NRAS: variants seen among roughly 807,000 people sequenced by gnomAD.
The protein encoded by NRAS is NRAS proto-oncogene, GTPase.
A neutral mutation model predicts 21.3 loss-of-function variants in NRAS; 6 were observed. The observed-to-expected ratio is 0.28, with a 90% CI of 0.15 to 0.56. The LOEUF (loss-of-function observed/expected upper bound fraction) is 0.56. Among genes scored for constraint, NRAS ranks in the 20% least tolerant of loss-of-function variants. The pLI is 0.93. For missense variants in NRAS, 143 were observed against 231.3 expected (o/e 0.62, Z 2.48); for synonymous variants, 84 against 82.0 (o/e 1.02, Z -0.13).
rs1377895009 is a variant in NRAS at position 114,707,575 on chromosome 1, G to T, written c.*519C>A. 1.3e-5 allele frequency: 2 copies of T among 152,402 alleles called. No homozygotes were observed. Among genetic ancestry groups the T allele is most frequent in the Admixed American group, 1.3e-4 (2 of 15,256 alleles). The allele number at this position is 152,402 out of a possible 1,614,324, so 9.4% of individuals were successfully genotyped here. The stretch of plus-strand genomic sequence containing the variant: ...AGATGCCAGTTTAGAGAATAGAGCC[G>T]ATAACATTATAAACAAACCAAACAG... On this transcript the variant is annotated 3_prime_UTR_variant, in exon 7 of 7. Transcript: ENST00000369535.
chr1:114,715,109 C>A (rs1257379303), intron 2 of NRAS, among the ~76,000 whole-genome samples: 1 of 151,736 alleles, frequency 6.6e-6, no homozygotes, highest in African/African-American at 2.4e-5. Flanking sequence ...GCTCACTGCA[C>A]CCTCTGCCTC....
intron 3 of NRAS, among the ~76,000 whole-genome samples, chr1:114,710,709 G>A (rs951294450): frequency 1.3e-5 from 2 of 152,140 alleles, no homozygotes; most frequent in Non-Finnish European, 2.9e-5. Flanking sequence ...AGAAGACATT[G>A]TATACTAAGG....
At chr1:114,708,500 T>G in intron 5 of NRAS, 31 bp downstream of exon 5, 3 of 1,609,582 alleles carry the variant, frequency 1.9e-6, no homozygotes, top group Non-Finnish European at 2.6e-6. Context: ...ATACTAAGAT[T>G]TGTAATTATG....
At chr1:114,708,420 G>C in intron 5 of NRAS, 111 bp downstream of exon 5, 1 of 972,520 alleles carries the variant, frequency 1.0e-6, no homozygotes, top group Non-Finnish European at 1.7e-6. Flanking sequence ...ATGTGCAGAA[G>C]AGGATAGGCA....
chr1:114,715,127 A>T (rs1659126929), intron 2 of NRAS, among the ~76,000 whole-genome samples: 2 of 152,176 alleles, frequency 1.3e-5, no homozygotes, highest in African/African-American at 4.8e-5. Flanking sequence ...CTCTGGTTCA[A>T]GCGATTCTCC....
chr1:114,711,101 C>T (rs1370147721), intron 3 of NRAS, among the ~76,000 whole-genome samples: 2 of 151,750 alleles, frequency 1.3e-5, no homozygotes, highest in East Asian at 1.9e-4. Context: ...CCTAGGAGTC[C>T]GAGACCAGCC....
rs1057520403 is a variant in NRAS at position 114,716,176 on chromosome 1, A to G, written c.-16T>C. ...ACTCAGTCATTTCACACCAGCAAGA[A>G]CCTGTTGGAAACCAGTAATCAGGGT... On this transcript the variant is annotated splice_region_variant and 5_prime_UTR_variant, in exon 2 of 7. Transcript: ENST00000369535. The G allele has an allele frequency of 1.3e-6, 2 of 1,555,510 alleles. No homozygotes were observed. The highest frequency in any genetic ancestry group is 2.7e-5 in the African/African-American group (2 of 73,758).
intron 3 of NRAS, among the ~76,000 whole-genome samples, chr1:114,711,940 CTTAAT>C (rs1659055043): frequency 6.6e-6 from 1 of 152,302 alleles, no homozygotes; most frequent in East Asian, 1.9e-4. Flanking sequence ...TTTATTTAAT[CTTAAT>C]TAACTGTAAA....
chr1:114,711,448 A>C (rs1384300531), intron 3 of NRAS, among the ~76,000 whole-genome samples: 5 of 152,064 alleles, frequency 3.3e-5, no homozygotes, highest in African/African-American at 4.8e-5. Flanking sequence ...AAATACAAAA[A>C]AAATTAGTCA....
rs9724641 is a variant in NRAS, at chr1:114,708,698, C to T, written c.451-44G>A. On this transcript the variant is annotated intron_variant, in intron 4 of 6. Transcript: ENST00000369535. ...AAAAAAAATGAGAGAGCTAGCTCAA[C>T]GGACACAATCCAAATTATAAGCTCT... is the stretch of plus-strand genomic sequence containing the variant. 9.2e-3 allele frequency: 14,683 copies of T among 1,598,760 alleles called. 1,135 individuals carry two copies. In the African/African-American group the frequency reaches 0.17, roughly 19 times the overall value.
chr1:114,714,002 G>A (rs371806603), intron 2 of NRAS, 24 bp from the exon 3 acceptor site: 7 of 770,966 alleles, frequency 9.1e-6, no homozygotes, highest in South Asian at 1.4e-5. Flanking sequence ...GGGTAAGGGG[G>A]CAGGGAGGGA....
At position 114,716,192 on chromosome 1, in the gene NRAS, T is replaced by C. The variant is rs779391538; in HGVS notation, c.-17-15A>G. On this transcript the variant is annotated splice_polypyrimidine_tract_variant and intron_variant, in intron 1 of 6. Transcript: ENST00000369535. Reference sequence around the variant, plus strand: ...CCAGCAAGAACCTGTTGGAAACCAGTAATCAGGGTTAATTGGCGAGCCACA... The same window carrying C: ...CCAGCAAGAACCTGTTGGAAACCAGCAATCAGGGTTAATTGGCGAGCCACA... 7.1e-6 allele frequency: 10 copies of C among 1,410,598 alleles called. No homozygotes were observed. The highest frequency in any genetic ancestry group is 1.7e-5 in the Admixed American group (1 of 59,792). The allele number at this position is 1,410,598 out of a possible 1,614,324, so 87.4% of individuals were successfully genotyped here. A position where few individuals can be genotyped will look rare whatever the true frequency, so the allele number is the denominator to read the frequency against.
At chr1:114,710,243 TA>T (rs1440584409) in intron 3 of NRAS, among the ~76,000 whole-genome samples, 6 of 13,556 alleles carry the variant, frequency 4.4e-4, no homozygotes, top group African/African-American at 1.2e-3. Context: ...AAATATATAT[TA>T]TATATATTAT....
rs914499104 is a variant in NRAS, at chr1:114,705,502, A to G, written c.*2592T>C. On this transcript the variant is annotated 3_prime_UTR_variant, in exon 7 of 7. Transcript: ENST00000369535. ...TGGGGAAAGAGAAGGATTTTGAGGTAAACTAGAATTCTTTTCAGCAATCAC... is the reference window on the plus strand; with the variant it reads ...TGGGGAAAGAGAAGGATTTTGAGGTGAACTAGAATTCTTTTCAGCAATCAC... 6.6e-6 allele frequency: 1 copy of G among 152,234 alleles called. No homozygotes were observed. The highest frequency in any genetic ancestry group is 2.4e-5 in the African/African-American group (1 of 41,456). The allele number at this position is 152,234 out of a possible 1,614,324, so 9.4% of individuals were successfully genotyped here.
At chr1:114,709,814 G>C (rs1659000058) in intron 3 of NRAS, 86 bp from the exon 4 acceptor site, 1 of 1,109,128 alleles carries the variant, frequency 9.0e-7, no homozygotes, top group African/African-American at 1.5e-5. Flanking sequence ...TCAGCACTTT[G>C]GGAGGCTGAG....
At chr1:114,712,950 G>A (rs1659077795) in intron 3 of NRAS, among the ~76,000 whole-genome samples, 1 of 152,140 alleles carries the variant, frequency 6.6e-6, no homozygotes, top group South Asian at 2.1e-4. Flanking sequence ...AAGGAGCTTT[G>A]GGTTTTTGGT....
In NRAS at chr1:114,707,280, A is replaced by G. The variant is rs1006359261; in HGVS notation, c.*814T>C. 2.0e-5 allele frequency: 3 copies of G among 152,512 alleles called. No individual in the cohort carries two copies. The highest frequency in any genetic ancestry group is 2.1e-4 in the South Asian group (1 of 4,830). 9.4% of individuals were successfully genotyped at this position (152,512 alleles called of 1,614,324 possible). Reference sequence around the variant, plus strand: ...CCCAAAACAGGCCTCTGGAAAACCAATTTCATACATGTACAAAATGGCATC... The same window carrying G: ...CCCAAAACAGGCCTCTGGAAAACCAGTTTCATACATGTACAAAATGGCATC... On this transcript the variant is annotated 3_prime_UTR_variant, in exon 7 of 7. Coordinates refer to ENST00000369535, the MANE Select transcript of NRAS (RefSeq NM_002524.5).
intron 2 of NRAS, among the ~76,000 whole-genome samples, chr1:114,714,765 T>C (rs570475185): frequency 5.9e-5 from 9 of 152,328 alleles, no homozygotes; most frequent in South Asian, 2.1e-4. Context: ...ATTTTACTTA[T>C]GTAAATTGCT....
intron 1 of NRAS, 26 bp from the exon 2 acceptor site, chr1:114,716,203 A>T (rs1427586315): frequency 1.5e-6 from 2 of 1,312,220 alleles, no homozygotes; most frequent in South Asian, 2.4e-5. Flanking sequence ...AATCAGGGTT[A>T]ATTGGCGAGC....
Sources: allele counts gnomAD v4.1 joint callset (sites outside exome capture counted in the v4.1 genomes callset), GRCh38; gene constraint gnomAD v4.1.1; transcripts MANE v1.5; gene names NCBI Gene and HGNC (gene_info 2026-07-23, HGNC 2026-07-21).